TTC27: variants seen among roughly 807,000 people sequenced by gnomAD.
TTC27 encodes tetratricopeptide repeat protein 27.
A neutral mutation model predicts 115.9 loss-of-function variants in TTC27; 79 were observed. The ratio of observed to expected loss-of-function variants is 0.68; its 90% CI spans 0.57 to 0.82. The LOEUF (loss-of-function observed/expected upper bound fraction) is 0.82, where lower values mean the gene tolerates loss of function less well. Ranked by LOEUF, TTC27 falls within the 40% of genes least tolerant of loss-of-function variation. TTC27 has a pLI of 0.00. For missense variants in TTC27, 1,054 were observed against 993.1 expected (o/e 1.06, Z -0.82); for synonymous variants, 401 against 356.0 (o/e 1.13, Z -1.42).
Position 32,766,076 on chromosome 2 carries a change from G to C in TTC27, c.1680+7557G>C, listed in dbSNP as rs964876326. Among the ~76,000 whole-genome samples the C allele has an allele frequency of 5.3e-5, 8 of 152,248 alleles. No homozygotes were observed. In the South Asian group the frequency reaches 1.7e-3, roughly 32 times the overall value. ...AGCTTTTCCTTTGCATTCATAACTT[G>C]GTTAACAGTTTGGTACAGGAGGCCC... On this transcript the variant is annotated intron_variant, in intron 13 of 19. Coordinates refer to ENST00000317907, the MANE Select transcript of TTC27 (RefSeq NM_017735.5).
chr2:32,679,888 A>C (rs896205223), intron 9 of TTC27, among the ~76,000 whole-genome samples: 2 of 152,138 alleles, frequency 1.3e-5, no homozygotes, highest in Non-Finnish European at 2.9e-5. Context: ...GCTACTCTAG[A>C]AGCTGAGAAG....
At chr2:32,787,788 G>A (rs1047411385) in intron 16 of TTC27, among the ~76,000 whole-genome samples, 1 of 151,714 alleles carries the variant, frequency 6.6e-6, no homozygotes, top group Non-Finnish European at 1.5e-5. Flanking sequence ...CAGCCTGGGT[G>A]ACAGAGCAAA....
At chr2:32,670,730 G>C (rs1206146220) in intron 7 of TTC27, among the ~76,000 whole-genome samples, 1 of 151,940 alleles carries the variant, frequency 6.6e-6, no homozygotes, top group African/African-American at 2.4e-5. Context: ...TGATTCTCCT[G>C]CCTCAGCCTC....
intron 9 of TTC27, among the ~76,000 whole-genome samples, chr2:32,698,905 A>G (rs6543668): frequency 0.69 from 103,903 of 151,486 alleles, 36,253 homozygotes; most frequent in South Asian, 0.81. Context: ...TGTCAGGATA[A>G]CTAGTTATTA....
chr2:32,714,860 A>T (rs185658481), intron 10 of TTC27, among the ~76,000 whole-genome samples: 6 of 152,128 alleles, frequency 3.9e-5, no homozygotes, highest in Admixed American at 3.9e-4. Context: ...TTTTTTTCAT[A>T]TGCTTGTTGG....
intron 3 of TTC27, among the ~76,000 whole-genome samples, chr2:32,636,217 CT>C (rs760404998): frequency 2.0e-5 from 3 of 151,546 alleles, no homozygotes; most frequent in Admixed American, 6.6e-5. Flanking sequence ...ATTCGCATTT[CT>C]TTTTTTTTGT....
At chr2:32,685,271 CTG>C in intron 9 of TTC27, among the ~76,000 whole-genome samples, 1 of 152,132 alleles carries the variant, frequency 6.6e-6, no homozygotes, top group Admixed American at 6.5e-5. Context: ...CTCAGGTGAT[CTG>C]CACTTCTTGG....
chr2:32,657,098 G>C (rs1211116181), intron 5 of TTC27, among the ~76,000 whole-genome samples: 1 of 149,454 alleles, frequency 6.7e-6, no homozygotes, highest in African/African-American at 2.5e-5. Flanking sequence ...CCATTCTCCT[G>C]CTTCAACCTC....
At position 32,701,275 on chromosome 2, in the gene TTC27, C is replaced by T. The variant is rs188461957; in HGVS notation, c.1120-1532C>T. Among the ~76,000 whole-genome samples, 11 of 152,328 alleles carry T rather than the reference C, an allele frequency of 7.2e-5. No individual in the cohort carries two copies. The East Asian group carries it at 2.1e-3, about 29-fold the overall frequency. ...ATTCATGTATTCTTGATGTACTCCT[C>T]TTCCTTCACCATCTCCAAGTCCTCT... On this transcript the variant is annotated intron_variant, in intron 9 of 19. Transcript: ENST00000317907.
intron 16 of TTC27, among the ~76,000 whole-genome samples, chr2:32,810,753 A>C (rs1671290287): frequency 6.6e-6 from 1 of 152,172 alleles, no homozygotes; most frequent in Admixed American, 6.5e-5. Flanking sequence ...AGGTGAGAAG[A>C]GCCAAGCACC....
intron 13 of TTC27, among the ~76,000 whole-genome samples, chr2:32,774,703 G>A (rs981032390): frequency 6.6e-6 from 1 of 152,054 alleles, no homozygotes; most frequent in Non-Finnish European, 1.5e-5. Flanking sequence ...GGTAATAGCA[G>A]TTTAAGTAAT....
At chr2:32,781,285 A>ATCTTTGAACATGT (rs1159265212) in intron 14 of TTC27, among the ~76,000 whole-genome samples, 1 of 152,142 alleles carries the variant, frequency 6.6e-6, no homozygotes, top group East Asian at 1.9e-4. Flanking sequence ...TTTCCTTTAA[A>ATCTTTGAACATGT]TCTTTGAACA....
At chr2:32,812,053 T>C (rs1285808075) in intron 17 of TTC27, among the ~76,000 whole-genome samples, 1 of 152,154 alleles carries the variant, frequency 6.6e-6, no homozygotes, top group Non-Finnish European at 1.5e-5. Context: ...ATATATGGAA[T>C]TAAGAGTACC....
intron 16 of TTC27, among the ~76,000 whole-genome samples, chr2:32,790,320 T>C (rs868154349): frequency 6.6e-6 from 1 of 152,122 alleles, no homozygotes; most frequent in African/African-American, 2.4e-5. Context: ...AATACAGACA[T>C]AGGGTAAATT....
At chr2:32,680,549 A>T (rs750079132) in intron 9 of TTC27, among the ~76,000 whole-genome samples, 11 of 152,088 alleles carry the variant, frequency 7.2e-5, no homozygotes, top group Non-Finnish European at 1.3e-4. Context: ...TGGGAGGGTG[A>T]CACTGAACAT....
intron 18 of TTC27, among the ~76,000 whole-genome samples, chr2:32,817,247 TA>T (rs538198225): frequency 1.7e-3 from 238 of 142,098 alleles, no homozygotes; most frequent in Admixed American, 1.8e-3. Context: ...CCCTGTATCT[TA>T]AAAAAAAAAA....
chr2:32,820,736 T>A (rs1671670255), intron 19 of TTC27, 80 bp from the exon 20 acceptor site: 1 of 1,311,624 alleles, frequency 7.6e-7, no homozygotes, highest in African/African-American at 1.5e-5. Flanking sequence ...AAAGGTTTTT[T>A]AACTCTATAC....
chr2:32,680,589 G>A (rs1008749683), intron 9 of TTC27, among the ~76,000 whole-genome samples: 1 of 152,070 alleles, frequency 6.6e-6, no homozygotes, highest in Non-Finnish European at 1.5e-5. Context: ...GATGGGGGAA[G>A]GCTAGGGAAG....
chr2:32,689,021 C>G (rs1666729068), intron 9 of TTC27, among the ~76,000 whole-genome samples: 2 of 152,032 alleles, frequency 1.3e-5, no homozygotes, highest in South Asian at 2.1e-4. Flanking sequence ...TGAAATAATA[C>G]TCAACAATAA....
Sources: gnomAD v4.1 joint callset for allele counts (sites outside exome capture counted in the v4.1 genomes callset) on GRCh38, gnomAD v4.1.1 for gene constraint, MANE v1.5 for transcripts, NCBI Gene and HGNC (gene_info 2026-07-23, HGNC 2026-07-21) for gene names.